CARMIL1: variants seen among roughly 807,000 people sequenced by gnomAD.
CARMIL1 encodes the protein capping protein regulator and myosin 1 linker 1, also known as F-actin-uncapping protein LRRC16A.
CARMIL1 carries 90 observed loss-of-function variants against 177.1 expected under a neutral mutation model. The observed-to-expected ratio is 0.51, with a 90% CI of 0.43 to 0.61. The LOEUF (loss-of-function observed/expected upper bound fraction) is 0.61, where lower values mean the gene tolerates loss of function less well. Among genes scored for constraint, CARMIL1 ranks in the 20% least tolerant of loss-of-function variants. The probability of loss-of-function intolerance (pLI) is 0.00; values close to 1 mark genes in which losing one functional copy is unlikely to be tolerated. For synonymous variants in CARMIL1, 577 were observed against 606.2 expected (o/e 0.95, Z 0.71); for missense variants, 1,380 against 1,667.0 (o/e 0.83, Z 3.00).
chr6:25,405,347 A>G (rs1252663574), intron 2 of CARMIL1, among the ~76,000 whole-genome samples: 1 of 152,096 alleles, frequency 6.6e-6, no homozygotes, highest in African/African-American at 2.4e-5. Flanking sequence ...ATATATGGTG[A>G]TTTGTATACC....
chr6:25,522,583 C>T (rs1806682358), intron 23 of CARMIL1, among the ~76,000 whole-genome samples: 1 of 152,138 alleles, frequency 6.6e-6, no homozygotes, highest in Non-Finnish European at 1.5e-5. Flanking sequence ...AATCAAGTGT[C>T]GGCTCATCCA....
intron 36 of CARMIL1, among the ~76,000 whole-genome samples, chr6:25,616,528 T>C (rs567029595): frequency 1.2e-4 from 18 of 152,338 alleles, no homozygotes; most frequent in African/African-American, 4.3e-4. Flanking sequence ...GAGCTATGAC[T>C]GCGCCACTGA....
chr6:25,620,114 T>C lies in CARMIL1; in HGVS notation c.*531T>C, dbSNP rs1351431425. 6.6e-6 allele frequency: 1 copy of C among 152,656 alleles called. No homozygotes were observed. The highest frequency in any genetic ancestry group is 1.9e-4 in the East Asian group (1 of 5,192). 9.5% of individuals were successfully genotyped at this position (152,656 alleles called of 1,614,324 possible). On this transcript the variant is annotated 3_prime_UTR_variant, in exon 37 of 37. Coordinates refer to ENST00000329474, the MANE Select transcript of CARMIL1 (RefSeq NM_017640.6). ...ATTAACAGAGCACACTAATAATTTGTATAGATTATATATATTAGATCTTGG... is the reference window on the plus strand; with the variant it reads ...ATTAACAGAGCACACTAATAATTTGCATAGATTATATATATTAGATCTTGG...
intron 2 of CARMIL1, among the ~76,000 whole-genome samples, chr6:25,391,063 C>T (rs562617674): frequency 3.3e-5 from 5 of 152,242 alleles, no homozygotes; most frequent in East Asian, 3.9e-4. Flanking sequence ...AAGTTGGTTG[C>T]GTGATTTGAT....
At chr6:25,373,872 G>A (rs761962312) in intron 2 of CARMIL1, among the ~76,000 whole-genome samples, 2 of 152,148 alleles carry the variant, frequency 1.3e-5, no homozygotes, top group Non-Finnish European at 2.9e-5. Context: ...CTGAGCCACT[G>A]TGCCCGGCCT....
intron 2 of CARMIL1, among the ~76,000 whole-genome samples, chr6:25,286,894 C>T (rs1301508672): frequency 6.6e-6 from 1 of 152,112 alleles, no homozygotes; most frequent in African/African-American, 2.4e-5. Flanking sequence ...TTTTTGGCCT[C>T]ATCTAACAGC....
intron 2 of CARMIL1, among the ~76,000 whole-genome samples, chr6:25,356,355 T>A: frequency 6.6e-6 from 1 of 152,196 alleles, no homozygotes; most frequent in Non-Finnish European, 1.5e-5. Context: ...CCGCGCCCGG[T>A]CCTCCTTCTA....
intron 33 of CARMIL1, among the ~76,000 whole-genome samples, chr6:25,602,019 A>T (rs1368423962): frequency 6.6e-6 from 1 of 152,242 alleles, no homozygotes; most frequent in Non-Finnish European, 1.5e-5. Context: ...CTTGACTTTC[A>T]GAAAGTAAAC....
At position 25,286,154 on chromosome 6, in the gene CARMIL1, T is replaced by G. The variant is rs563487509; in HGVS notation, c.138+1245T>G. Among the ~76,000 whole-genome samples the G allele has an allele frequency of 5.1e-4, 77 of 152,390 alleles. No homozygotes were observed. In the South Asian group the frequency reaches 9.9e-3, roughly 20 times the overall value. ...TCCCGAAGTGCTGGGATTACAGGCA[T>G]GAGCCACTGTGCGTGGCCTGAAAAA... is the stretch of plus-strand genomic sequence containing the variant. On this transcript the variant is annotated intron_variant, in intron 2 of 36. Coordinates refer to ENST00000329474, the MANE Select transcript of CARMIL1 (RefSeq NM_017640.6).
At chr6:25,414,043 C>A (rs1795153864) in intron 2 of CARMIL1, among the ~76,000 whole-genome samples, 1 of 152,154 alleles carries the variant, frequency 6.6e-6, no homozygotes, top group South Asian at 2.1e-4. Flanking sequence ...TGGTGTTTAG[C>A]AAAGGCATAT....
chr6:25,367,916 T>C (rs543332903), intron 2 of CARMIL1, among the ~76,000 whole-genome samples: 1 of 152,312 alleles, frequency 6.6e-6, no homozygotes, highest in African/African-American at 2.4e-5. Flanking sequence ...CATGCCACCA[T>C]ACCCGGCTGA....
chr6:25,460,292 T>C (rs1476535854), intron 8 of CARMIL1, among the ~76,000 whole-genome samples: 5 of 152,232 alleles, frequency 3.3e-5, no homozygotes, highest in African/African-American at 1.2e-4. Flanking sequence ...AAATGAACTC[T>C]CAGAAATGAG....
chr6:25,555,821 A>G (rs1365507800), intron 28 of CARMIL1, among the ~76,000 whole-genome samples: 2 of 152,096 alleles, frequency 1.3e-5, no homozygotes, highest in African/African-American at 4.8e-5. Context: ...AGAAATCTTC[A>G]TGTGAGAACT....
Position 25,515,494 on chromosome 6 carries a change from T to G in CARMIL1, c.1633-181T>G, listed in dbSNP as rs887058072. ...AAAACACAAGTTCTCCATCTTTGAC[T>G]CCAGCGGTCCATTTTGTGCCAGAAC... On this transcript the variant is annotated intron_variant, in intron 20 of 36. Transcript: ENST00000329474. This position sits in a 1 kb window ranked among gnomAD's most constrained non-coding sequence, Gnocchi z 5.0. 6.6e-6 allele frequency among the ~76,000 whole-genome samples: 1 copy of G among 152,212 alleles called. No homozygotes were observed. The highest frequency in any genetic ancestry group is 2.4e-5 in the African/African-American group (1 of 41,462).
chr6:25,451,948 T>G (rs1165109859), intron 8 of CARMIL1: 14 of 609,568 alleles, frequency 2.3e-5, no homozygotes, highest in Middle Eastern at 4.4e-4. Context: ...TCACAGAGGA[T>G]TGTTGTTGCC....
In CARMIL1 at chr6:25,619,648, G is replaced by A; in HGVS notation, c.*65G>A. The A allele has an allele frequency of 1.3e-6, 2 of 1,492,556 alleles. No individual in the cohort carries two copies. Among genetic ancestry groups the A allele is most frequent in the Non-Finnish European group, 1.8e-6 (2 of 1,118,582 alleles). 92.5% of individuals were successfully genotyped at this position (1,492,556 alleles called of 1,614,324 possible). A position where few individuals can be genotyped will look rare whatever the true frequency, so the allele number is the denominator to read the frequency against. On this transcript the variant is annotated 3_prime_UTR_variant, in exon 37 of 37. Transcript: ENST00000329474. ...GGTAGCCATCAGAGAGGAACCAAGGGCAACATCTTTTCTTCCCAGGCGTTC... is the reference window on the plus strand; with the variant it reads ...GGTAGCCATCAGAGAGGAACCAAGGACAACATCTTTTCTTCCCAGGCGTTC...
At chr6:25,433,148 T>C (rs1351210025) in intron 4 of CARMIL1, 1 of 152,204 alleles carries the variant, frequency 6.6e-6, no homozygotes, top group Admixed American at 6.5e-5. Flanking sequence ...TGTGAGTGCT[T>C]GCTTGTAAGG....
chr6:25,536,136 A>G (rs1416293258), intron 24 of CARMIL1, among the ~76,000 whole-genome samples: 1 of 152,104 alleles, frequency 6.6e-6, no homozygotes, highest in Non-Finnish European at 1.5e-5. Flanking sequence ...CCCCAAATGT[A>G]TATCAGTTTC....
At chr6:25,564,615 G>A (rs903669176) in intron 29 of CARMIL1, among the ~76,000 whole-genome samples, 1 of 152,110 alleles carries the variant, frequency 6.6e-6, no homozygotes, top group Non-Finnish European at 1.5e-5. Flanking sequence ...TTATGGACAC[G>A]ATGGATTGTG....
Sources: gnomAD v4.1 joint callset for allele counts (sites outside exome capture counted in the v4.1 genomes callset) on GRCh38, gnomAD v4.1.1 for gene constraint, Gnocchi (gnomAD v3.1) non-coding constraint, MANE v1.5 for transcripts, NCBI Gene and HGNC (gene_info 2026-07-23, HGNC 2026-07-21) for gene names.